The following HTR1D variants were observed in gnomAD, a reference collection of about 807,000 sequenced individuals.
HTR1D encodes 5-hydroxytryptamine receptor 1D.
Under a neutral mutation model 21.1 loss-of-function variants are expected in HTR1D, and 18 were observed. That is an observed-to-expected ratio of 0.85 (90% CI 0.59 to 1.27). The LOEUF (loss-of-function observed/expected upper bound fraction) is 1.27, where lower values mean the gene tolerates loss of function less well. Among genes scored for constraint, HTR1D ranks in the 50% most tolerant of loss-of-function variants. HTR1D has a pLI of 0.00. For missense variants in HTR1D, 456 were observed against 481.4 expected (o/e 0.95, Z 0.49); for synonymous variants, 196 against 204.4 (o/e 0.96, Z 0.35).
rs1415533729 is a variant in HTR1D, at chr1:23,207,807, A to T, written c.-783+9484T>A. Among the ~76,000 whole-genome samples the T allele has an allele frequency of 3.4e-5, 5 of 146,340 alleles. No individual in the cohort carries two copies. The East Asian group carries it at 1.0e-3, about 29-fold the overall frequency. ...GGCGGAGTCTTGCTCTGTCACCAAG[A>T]CTGGAGTACAGTGGTGCGATCTCAG... On this transcript the variant is annotated intron_variant, in intron 1 of 1. Transcript: ENST00000374619.
At chr1:23,206,963 T>TAG (rs1218170403) in intron 1 of HTR1D, among the ~76,000 whole-genome samples, 1 of 152,132 alleles carries the variant, frequency 6.6e-6, no homozygotes, top group Non-Finnish European at 1.5e-5. Flanking sequence ...TAGCTTGGCT[T>TAG]TGCTGCGAAC....
intron 1 of HTR1D, among the ~76,000 whole-genome samples, chr1:23,198,081 A>G (rs1236695238): frequency 6.6e-6 from 1 of 151,016 alleles, no homozygotes; most frequent in Non-Finnish European, 1.5e-5. Context: ...AAAAAAAAAA[A>G]AAAGTGTGGG....
Position 23,194,289 on chromosome 1 carries a change from A to G in HTR1D, c.-70T>C. ...CTTCCTTCAAGGTTGTCCTGACAAC[A>G]GAGCAAAGTCATCCTTCTGCTTCAC... On this transcript the variant is annotated 5_prime_UTR_variant, in exon 2 of 2. Transcript: ENST00000374619. 7.1e-7 allele frequency: 1 copy of G among 1,418,020 alleles called. No individual in the cohort carries two copies. The highest frequency in any genetic ancestry group is 9.7e-7 in the Non-Finnish European group (1 of 1,033,836). 87.8% of individuals were successfully genotyped at this position (1,418,020 alleles called of 1,614,324 possible). A position where few individuals can be genotyped will look rare whatever the true frequency, so the allele number is the denominator to read the frequency against.
At chr1:23,200,959 C>T (rs541371038) in intron 1 of HTR1D, among the ~76,000 whole-genome samples, 1 of 152,266 alleles carries the variant, frequency 6.6e-6, no homozygotes, top group African/African-American at 2.4e-5. Flanking sequence ...AAGTCCAGAT[C>T]ACATGGACTC....
In HTR1D at chr1:23,201,969, C is replaced by G. The variant is rs186721576; in HGVS notation, c.-782-6968G>C. 2.3e-3 allele frequency among the ~76,000 whole-genome samples: 347 copies of G among 152,284 alleles called. 2 individuals are homozygous for G. The highest frequency in any genetic ancestry group is 3.3e-3 in the Non-Finnish European group (227 of 68,020). ...AAATTGGGATAATGACATCTTTCAC[C>G]CAGAATTGTGATGCGGCTTCAATGA... On this transcript the variant is annotated intron_variant, in intron 1 of 1. Transcript: ENST00000374619.
chr1:23,207,785 G>A lies in HTR1D; in HGVS notation c.-783+9506C>T, dbSNP rs535768684. Among the ~76,000 whole-genome samples, 12 of 146,620 alleles carry A rather than the reference G, an allele frequency of 8.2e-5. No homozygotes were observed. The East Asian group carries it at 1.0e-3, about 12-fold the overall frequency. On this transcript the variant is annotated intron_variant, in intron 1 of 1. Coordinates refer to ENST00000374619, the MANE Select transcript of HTR1D (RefSeq NM_000864.5). ...TTTTTTTTTTTTTTTTTTTTGAGGC[G>A]GAGTCTTGCTCTGTCACCAAGACTG...
intron 1 of HTR1D, among the ~76,000 whole-genome samples, chr1:23,208,681 G>T (rs1196651857): frequency 6.6e-6 from 1 of 152,118 alleles, no homozygotes; most frequent in Non-Finnish European, 1.5e-5. Context: ...TACTAACTGG[G>T]GGTGGGGGAA....
intron 1 of HTR1D, among the ~76,000 whole-genome samples, chr1:23,210,239 G>A (rs1452817006): frequency 1.3e-5 from 2 of 152,050 alleles, no homozygotes; most frequent in Admixed American, 6.6e-5. Flanking sequence ...CACCATGCCC[G>A]GCTAATTTTT....
In HTR1D at chr1:23,193,097, T is replaced by C. The variant is rs1644665996; in HGVS notation, c.1123A>G (p.Lys375Glu). 1.2e-6 allele frequency: 2 copies of C among 1,607,440 alleles called. No individual in the cohort carries two copies. The highest frequency in any genetic ancestry group is 1.7e-6 in the Non-Finnish European group (2 of 1,176,316). ...QAFQKIVPFR[K>E]AS The stretch of plus-strand genomic sequence containing the variant: ...ATCACCGAATAAGACTAGGAGGCCT[T>C]CCGGAAAGGGACAATTTTCTGAAAA... The change falls in exon 2 of 2, where the codon AAG becomes GAG. Residue 375 changes from lysine (K) to glutamate (E), a missense_variant. Coordinates refer to ENST00000374619, the MANE Select transcript of HTR1D (RefSeq NM_000864.5).
In HTR1D at chr1:23,193,061, T is replaced by C; in HGVS notation, c.*25A>G. On this transcript the variant is annotated 3_prime_UTR_variant, in exon 2 of 2. Coordinates refer to ENST00000374619, the MANE Select transcript of HTR1D (RefSeq NM_000864.5). ...CGATGAGGTTACAGGACACAAAAGA[T>C]AACAAGAGTCATCACCGAATAAGAC... The C allele has an allele frequency of 2.6e-6, 4 of 1,514,574 alleles. No homozygotes were observed. Among genetic ancestry groups the C allele is most frequent in the South Asian group, 1.2e-5 (1 of 80,600 alleles). The allele number at this position is 1,514,574 out of a possible 1,614,324, so 93.8% of individuals were successfully genotyped here.
rs904495564 is a variant in HTR1D at position 23,192,895 on chromosome 1, C to G, written c.*191G>C. 4.1e-5 allele frequency: 14 copies of G among 340,352 alleles called. No homozygotes were observed. The highest frequency in any genetic ancestry group is 6.3e-5 in the Non-Finnish European group (12 of 190,024). The allele number at this position is 340,352 out of a possible 1,614,324, so 21.1% of individuals were successfully genotyped here. On this transcript the variant is annotated 3_prime_UTR_variant, in exon 2 of 2. Coordinates refer to ENST00000374619, the MANE Select transcript of HTR1D (RefSeq NM_000864.5). ...AGTAGTGAAATCTTCAGTCCTGCCC[C>G]CCGCCCCCCACCACCCACAGCTCTT... is the stretch of plus-strand genomic sequence containing the variant.
In HTR1D at chr1:23,193,804, G is replaced by T; in HGVS notation, c.416C>A (p.Ala139Glu). 1 of 1,614,166 alleles carries T rather than the reference G, an allele frequency of 6.2e-7. No individual in the cohort carries two copies. The highest frequency in any genetic ancestry group is 1.3e-5 in the African/African-American group (1 of 75,060). ...LCVIALDRYWAITDALEYSKR... is the reference protein window; with the variant it reads ...LCVIALDRYWEITDALEYSKR... ...ACTGTATTCCAGGGCATCTGTGATT[G>T]CCCAGTACCTGTCCAGAGCAATGAC... is the stretch of plus-strand genomic sequence containing the variant. The change falls in exon 2 of 2, where the codon GCA (alanine) becomes GAA (glutamate). Residue 139 changes from alanine to glutamate, a missense_variant. By Grantham distance (107) the Ala-to-Glu change is moderately radical. Coordinates refer to ENST00000374619, the MANE Select transcript of HTR1D (RefSeq NM_000864.5).
intron 1 of HTR1D, among the ~76,000 whole-genome samples, chr1:23,203,673 A>C (rs1432574296): frequency 6.6e-6 from 1 of 152,084 alleles, no homozygotes; most frequent in East Asian, 1.9e-4. Context: ...AACAAACAAA[A>C]ACCTCTGTGA....
chr1:23,195,989 A>G (rs1644687249), intron 1 of HTR1D, among the ~76,000 whole-genome samples: 1 of 151,954 alleles, frequency 6.6e-6, no homozygotes, highest in African/African-American at 2.4e-5. Flanking sequence ...CACCGTGCCC[A>G]GCTAATTGTT....
chr1:23,207,263 G>A (rs1299477901), intron 1 of HTR1D, among the ~76,000 whole-genome samples: 6 of 152,128 alleles, frequency 3.9e-5, no homozygotes, highest in Non-Finnish European at 8.8e-5. Context: ...TTATCTGGGT[G>A]TGGTGTGTGG....
At chr1:23,202,204 C>A (rs918890866) in intron 1 of HTR1D, among the ~76,000 whole-genome samples, 8 of 152,086 alleles carry the variant, frequency 5.3e-5, no homozygotes, top group Admixed American at 5.2e-4. Context: ...TCAACCTATT[C>A]TCCTGCCTCA....
Position 23,193,571 on chromosome 1 carries a change from A to G in HTR1D, c.649T>C (p.Tyr217His), listed in dbSNP as rs1391775628. 6.2e-7 allele frequency: 1 copy of G among 1,613,942 alleles called. No individual in the cohort carries two copies. Among genetic ancestry groups the G allele is most frequent in the African/African-American group, 1.3e-5 (1 of 74,918 alleles). The stretch of plus-strand genomic sequence containing the variant: ...CGGGCAGCCCGGTAGATCCGGCCAT[A>G]TAGGATGATGAGCAACACCGAGGGA... ...YIPSVLLIIL[Y>H]GRIYRAARNR... Residue 217 changes from tyrosine (Y) to histidine (H), a missense_variant, in exon 2 of 2, where the codon TAT becomes CAT. Transcript: ENST00000374619.
chr1:23,193,144 A>G lies in HTR1D; in HGVS notation c.1076T>C (p.Phe359Ser), dbSNP rs556074897. 1.2e-6 allele frequency: 2 copies of G among 1,613,690 alleles called. No homozygotes were observed. The highest frequency in any genetic ancestry group is 2.2e-5 in the South Asian group (2 of 90,924). ...AAAAGCTTGCCGAAACTCTTCATTA[A>G]ACACAGTGTAGATTATTGGATTGAT... ...SLINPIIYTV[F>S]NEEFRQAFQK... The change falls in exon 2 of 2, where the codon TTT (phenylalanine) becomes TCT (serine). Residue 359 changes from phenylalanine (F) to serine (S), a missense_variant. Phe to Ser is a radical substitution (Grantham distance 155). Coordinates refer to ENST00000374619, the MANE Select transcript of HTR1D (RefSeq NM_000864.5).
intron 1 of HTR1D, among the ~76,000 whole-genome samples, chr1:23,199,440 TTTTTTTTTTTTTTAG>T (rs1644701823): frequency 2.5e-5 from 3 of 120,676 alleles, no homozygotes; most frequent in African/African-American, 6.3e-5. Flanking sequence ...TTTTTTTTTT[TTTTTTTTTTTTTTAG>T]AGAGAGGGTC....
Sources: gnomAD v4.1 joint callset for allele counts (sites outside exome capture counted in the v4.1 genomes callset) on GRCh38, gnomAD v4.1.1 for gene constraint, MANE v1.5 for transcripts, NCBI Gene and HGNC (gene_info 2026-07-23, HGNC 2026-07-21) for gene names.